Variants in CDH12 observed in about 807,000 individuals in gnomAD.
The protein encoded by CDH12 is cadherin 12.
CDH12 carries 41 observed loss-of-function variants against 74.1 expected under a neutral mutation model. That is an observed-to-expected ratio of 0.55 (90% CI 0.43 to 0.72). CDH12 has a LOEUF of 0.72. Ranked by LOEUF, CDH12 falls within the 30% of genes least tolerant of loss-of-function variation. The probability of loss-of-function intolerance (pLI) is 0.00; values close to 1 mark genes in which losing one functional copy is unlikely to be tolerated. For synonymous variants in CDH12, 399 were observed against 355.0 expected (o/e 1.12, Z -1.39); for missense variants, 945 against 977.2 (o/e 0.97, Z 0.44).
At chr5:22,544,481 A>G (rs1172469631) in intron 1 of CDH12, among the ~76,000 whole-genome samples, 1 of 152,182 alleles carries the variant, frequency 6.6e-6, no homozygotes, top group African/African-American at 2.4e-5. Flanking sequence ...TAATATTAGA[A>G]TCTCAGATCA....
intron 4 of CDH12, among the ~76,000 whole-genome samples, chr5:22,139,832 C>A (rs1746686649): frequency 6.6e-6 from 1 of 152,096 alleles, no homozygotes; most frequent in South Asian, 2.1e-4. Context: ...AGCTGGAGAG[C>A]CATCAGTTGA....
intron 3 of CDH12, among the ~76,000 whole-genome samples, chr5:22,373,099 G>A (rs1421658323): frequency 6.6e-6 from 1 of 152,042 alleles, no homozygotes; most frequent in Non-Finnish European, 1.5e-5. Flanking sequence ...CATAACAAGG[G>A]CACCTGAGGA....
At chr5:22,643,733 CTTTTTTTTTTTTTT>C (rs762944279) in intron 1 of CDH12, among the ~76,000 whole-genome samples, 1 of 51,202 alleles carries the variant, frequency 2.0e-5, no homozygotes, top group Non-Finnish European at 3.4e-5. Flanking sequence ...TTTAAGGTAT[CTTTTTTTTTTTTTT>C]TTTTTTTTTT....
chr5:22,517,063 G>C (rs1736844542), intron 1 of CDH12, among the ~76,000 whole-genome samples: 1 of 151,702 alleles, frequency 6.6e-6, no homozygotes, highest in Admixed American at 6.6e-5. Context: ...CTATAGTAAG[G>C]TTATATATCA....
chr5:22,734,716 C>T (rs1744597154), intron 1 of CDH12, among the ~76,000 whole-genome samples: 1 of 151,970 alleles, frequency 6.6e-6, no homozygotes, highest in African/African-American at 2.4e-5. Flanking sequence ...ATTTCCCCCT[C>T]TAAGACACCC....
chr5:22,334,068 A>C (rs113826353), intron 3 of CDH12, among the ~76,000 whole-genome samples: 114 of 152,304 alleles, frequency 7.5e-4, no homozygotes, highest in African/African-American at 2.6e-3. Context: ...GATCCGGAAC[A>C]TGACAAAGAT....
chr5:22,701,476 A>G (rs941202317), intron 1 of CDH12, among the ~76,000 whole-genome samples: 3 of 152,140 alleles, frequency 2.0e-5, no homozygotes, highest in African/African-American at 7.2e-5. Flanking sequence ...TCCTGAAAAC[A>G]AAATTGAACT....
At chr5:22,551,724 T>TA (rs771111022) in intron 1 of CDH12, among the ~76,000 whole-genome samples, 6 of 144,924 alleles carry the variant, frequency 4.1e-5, no homozygotes, top group Non-Finnish European at 1.5e-5. Context: ...CAACCCATTA[T>TA]AAAAAAAATA....
chr5:22,736,316 T>C lies in CDH12; in HGVS notation c.-523+116742A>G, dbSNP rs73068140. Among the ~76,000 whole-genome samples the C allele has an allele frequency of 5.4e-3, 824 of 151,918 alleles. 9 individuals carry two copies. Among genetic ancestry groups the C allele is most frequent in the African/African-American group, 0.019 (782 of 41,528 alleles). ...CATAATTTGTGTATATAGATGAATG[T>C]GTATATATGTATTTTTTTAAGTAAT... On this transcript the variant is annotated intron_variant, in intron 1 of 14. Coordinates refer to ENST00000382254, the MANE Select transcript of CDH12 (RefSeq NM_004061.5).
At chr5:22,390,599 TA>T (rs1206401300) in intron 3 of CDH12, among the ~76,000 whole-genome samples, 2 of 151,922 alleles carry the variant, frequency 1.3e-5, no homozygotes, top group Non-Finnish European at 2.9e-5. Context: ...GATAGATAGA[TA>T]GATAGATAGA....
At chr5:22,845,565 G>C (rs1176954572) in intron 1 of CDH12, among the ~76,000 whole-genome samples, 1 of 152,160 alleles carries the variant, frequency 6.6e-6, no homozygotes, top group African/African-American at 2.4e-5. Flanking sequence ...CATATGATAT[G>C]AAGTAGGTCC....
chr5:22,372,627 T>TC (rs764701892), intron 3 of CDH12, among the ~76,000 whole-genome samples: 25 of 151,906 alleles, frequency 1.6e-4, no homozygotes, highest in South Asian at 6.2e-4. Flanking sequence ...CTTTCACACA[T>TC]CTCGAAAACA....
At chr5:22,405,944 C>T (rs1004695160) in intron 2 of CDH12, among the ~76,000 whole-genome samples, 1 of 152,098 alleles carries the variant, frequency 6.6e-6, no homozygotes, top group Admixed American at 6.6e-5. Context: ...TAATAGAATG[C>T]AAATTCTATG....
At chr5:22,180,328 C>G (rs1228069985) in intron 4 of CDH12, among the ~76,000 whole-genome samples, 1 of 152,030 alleles carries the variant, frequency 6.6e-6, no homozygotes, top group Non-Finnish European at 1.5e-5. Flanking sequence ...TGATAGAGAA[C>G]CAATTAATCT....
At chr5:22,203,226 A>G (rs1414992339) in intron 4 of CDH12, among the ~76,000 whole-genome samples, 1 of 151,996 alleles carries the variant, frequency 6.6e-6, no homozygotes, top group Non-Finnish European at 1.5e-5. Context: ...ACTTTGACCA[A>G]TTTCTTTCTA....
At chr5:21,763,003 A>C (rs1241333571) in intron 12 of CDH12, among the ~76,000 whole-genome samples, 3 of 152,038 alleles carry the variant, frequency 2.0e-5, no homozygotes, top group Admixed American at 2.0e-4. Flanking sequence ...TCAGGCCCAA[A>C]TATTTTTGTA....
intron 1 of CDH12, among the ~76,000 whole-genome samples, chr5:22,731,724 A>G (rs887761027): frequency 3.9e-5 from 6 of 151,946 alleles, no homozygotes; most frequent in Non-Finnish European, 7.4e-5. Context: ...GTGAATTTAC[A>G]TGTCCTTCTA....
rs560131489 is a variant in CDH12, at chr5:22,267,191, A to G, written c.-332-54548T>C. On this transcript the variant is annotated intron_variant, in intron 3 of 14. Transcript: ENST00000382254. ...GTATGTGTATTTGCAAAGAAAAAATAAAAATATTGGATAAGCAATAGAAGG... is the reference window on the plus strand; with the variant it reads ...GTATGTGTATTTGCAAAGAAAAAATGAAAATATTGGATAAGCAATAGAAGG... 3.5e-4 allele frequency among the ~76,000 whole-genome samples: 54 copies of G among 152,314 alleles called. No individual in the cohort carries two copies. In the Middle Eastern group the frequency reaches 0.014, roughly 38 times the overall value.
At chr5:22,579,917 C>A (rs1739995443) in intron 1 of CDH12, among the ~76,000 whole-genome samples, 1 of 152,256 alleles carries the variant, frequency 6.6e-6, no homozygotes, top group East Asian at 1.9e-4. Flanking sequence ...AGAGGCTGAC[C>A]TTATGCATTG....
Sources: gnomAD v4.1 joint callset for allele counts (sites outside exome capture counted in the v4.1 genomes callset) on GRCh38, gnomAD v4.1.1 for gene constraint, MANE v1.5 for transcripts, NCBI Gene and HGNC (gene_info 2026-07-23, HGNC 2026-07-21) for gene names.